The following ABCA13 variants were observed in gnomAD, a reference collection of about 807,000 sequenced individuals.
ABCA13 encodes the protein ATP-binding cassette sub-family A member 13.
Under a neutral mutation model 478.7 loss-of-function variants are expected in ABCA13, and 476 were observed. The ratio of observed to expected loss-of-function variants is 0.99; its 90% CI spans 0.92 to 1.07. The LOEUF is 1.07. Among genes scored for constraint, ABCA13 ranks in the 50% least tolerant of loss-of-function variants. ABCA13 has a pLI of 0.00. For missense variants in ABCA13, 6,060 were observed against 5,910.6 expected, an observed-to-expected ratio of 1.03 and a Z score of -0.83; for synonymous variants, 2,252 against 2,158.9, an observed-to-expected ratio of 1.04 and a Z score of -1.20.
At chr7:48,632,147 A>G (rs1385965943) in intron 59 of ABCA13, among the ~76,000 whole-genome samples, 1 of 152,116 alleles carries the variant, frequency 6.6e-6, no homozygotes, top group Non-Finnish European at 1.5e-5. Flanking sequence ...TCTGATTTGA[A>G]TGCTCTTTAC....
chr7:48,277,787 T>C (rs1327163592), intron 17 of ABCA13, among the ~76,000 whole-genome samples: 1 of 152,214 alleles, frequency 6.6e-6, no homozygotes, highest in Non-Finnish European at 1.5e-5. Context: ...GTCATTTTAC[T>C]TTCTTTCCTA....
chr7:48,443,163 G>T (rs1451395908), intron 42 of ABCA13, among the ~76,000 whole-genome samples: 2 of 152,146 alleles, frequency 1.3e-5, no homozygotes, highest in African/African-American at 4.8e-5. Context: ...CCCACACCTT[G>T]CTCTTCTTGG....
intron 8 of ABCA13, 29 bp from the exon 9 acceptor site, chr7:48,239,212 G>A (rs1790432021): frequency 1.2e-6 from 2 of 1,611,766 alleles, no homozygotes; most frequent in Admixed American, 1.7e-5. Context: ...GGAGCTTTAT[G>A]TCTAAATATT....
intron 42 of ABCA13, among the ~76,000 whole-genome samples, chr7:48,444,045 C>T (rs899999322): frequency 1.1e-4 from 17 of 152,166 alleles, no homozygotes; most frequent in African/African-American, 3.6e-4. Flanking sequence ...CAGAGTAGGG[C>T]CCTCTTCCTA....
chr7:48,403,043 G>A (rs1817812469), intron 38 of ABCA13, among the ~76,000 whole-genome samples: 1 of 152,240 alleles, frequency 6.6e-6, no homozygotes, highest in African/African-American at 2.4e-5. Flanking sequence ...ATCCCTGGAA[G>A]AGGGGTAAAG....
In ABCA13 at chr7:48,370,371, G is replaced by A. The variant is rs557549676; in HGVS notation, c.10804-1797G>A. On this transcript the variant is annotated intron_variant, in intron 32 of 61. Transcript: ENST00000435803. ...AGTTTGATTTCCTCTTTACTGATTTGGATGCCCTTCATTTCTTTATCTTGT... is the reference window on the plus strand; with the variant it reads ...AGTTTGATTTCCTCTTTACTGATTTAGATGCCCTTCATTTCTTTATCTTGT... Among the ~76,000 whole-genome samples, 9 of 152,024 alleles carry A rather than the reference G, an allele frequency of 5.9e-5. No individual in the cohort carries two copies. In the Middle Eastern group the frequency reaches 0.01, roughly 172 times the overall value.
At chr7:48,599,311 T>A (rs915947030) in intron 58 of ABCA13, among the ~76,000 whole-genome samples, 1 of 152,082 alleles carries the variant, frequency 6.6e-6, no homozygotes, top group Non-Finnish European at 1.5e-5. Context: ...AAATAAGTTG[T>A]ATGATTTCCA....
intron 5 of ABCA13, among the ~76,000 whole-genome samples, chr7:48,222,484 G>A (rs1297308354): frequency 6.6e-6 from 1 of 152,096 alleles, no homozygotes; most frequent in Non-Finnish European, 1.5e-5. Flanking sequence ...GAAATAAAAA[G>A]CTGTATGCAT....
intron 29 of ABCA13, among the ~76,000 whole-genome samples, chr7:48,341,878 T>A (rs565929517): frequency 7.5e-5 from 10 of 132,568 alleles, no homozygotes; most frequent in Admixed American, 2.3e-4. Flanking sequence ...TATATCTTTC[T>A]GATATATATA....
chr7:48,200,996 A>C (rs2128918279), intron 3 of ABCA13, among the ~76,000 whole-genome samples: 1 of 144,356 alleles, frequency 6.9e-6, no homozygotes, highest in Admixed American at 7.0e-5. Context: ...GAAAGAGAAT[A>C]AGAGTTCAAA....
intron 58 of ABCA13, among the ~76,000 whole-genome samples, chr7:48,603,435 T>C (rs1049960787): frequency 3.3e-5 from 5 of 152,216 alleles, no homozygotes; most frequent in African/African-American, 1.2e-4. Context: ...GTTTTTAGCA[T>C]GAAGGGCTGT....
At chr7:48,622,898 A>T (rs74781282) in intron 59 of ABCA13, among the ~76,000 whole-genome samples, 3,620 of 152,086 alleles carry the variant, frequency 0.024, 58 homozygotes, top group South Asian at 0.06. Flanking sequence ...CCATCTAGTA[A>T]GTAGAGGGAC....
chr7:48,383,234 C>T (rs1262636214), intron 35 of ABCA13, among the ~76,000 whole-genome samples: 2 of 152,206 alleles, frequency 1.3e-5, no homozygotes, highest in Non-Finnish European at 1.5e-5. Flanking sequence ...ACTGGTGACT[C>T]CTGACATTGT....
chr7:48,619,546 G>A (rs1204147730), intron 59 of ABCA13, among the ~76,000 whole-genome samples: 2 of 152,192 alleles, frequency 1.3e-5, no homozygotes, highest in African/African-American at 4.8e-5. Flanking sequence ...TGCAGAGGTA[G>A]GTCTGATGCA....
chr7:48,233,970 C>T (rs1444444177), intron 7 of ABCA13, 48 bp from the exon 8 acceptor site: 4 of 1,603,050 alleles, frequency 2.5e-6, no homozygotes, highest in Non-Finnish European at 3.4e-6. Flanking sequence ...TTAAACATAT[C>T]AAAATATTCA....
At chr7:48,607,884 TTTTTTA>T (rs1205693445) in intron 58 of ABCA13, among the ~76,000 whole-genome samples, 4 of 152,186 alleles carry the variant, frequency 2.6e-5, no homozygotes, top group African/African-American at 7.2e-5. Flanking sequence ...CATTTTCTTA[TTTTTTA>T]TTTTTATTTT....
intron 27 of ABCA13, among the ~76,000 whole-genome samples, chr7:48,327,451 T>G (rs1804515161): frequency 6.6e-6 from 1 of 152,124 alleles, no homozygotes; most frequent in South Asian, 2.1e-4. Context: ...TTATGGGAAG[T>G]ACAATTCAAG....
intron 28 of ABCA13, among the ~76,000 whole-genome samples, chr7:48,337,116 G>A (rs1256718227): frequency 6.6e-6 from 1 of 152,152 alleles, no homozygotes; most frequent in Non-Finnish European, 1.5e-5. Flanking sequence ...GGCGTAAGTT[G>A]TTCCTCTATT....
At chr7:48,202,532 T>G (rs35956598) in intron 3 of ABCA13, among the ~76,000 whole-genome samples, 30,656 of 148,712 alleles carry the variant, frequency 0.21, 3,302 homozygotes, top group Middle Eastern at 0.26. Context: ...GTGTCGATTG[T>G]TGCACTCACA....
Sources: allele counts gnomAD v4.1 joint callset (sites outside exome capture counted in the v4.1 genomes callset), GRCh38; gene constraint gnomAD v4.1.1; transcripts MANE v1.5; gene names NCBI Gene and HGNC (gene_info 2026-07-23, HGNC 2026-07-21).